The following SDK1 variants were observed in gnomAD, a reference collection of about 807,000 sequenced individuals.
The protein encoded by SDK1 is sidekick cell adhesion molecule 1.
A neutral mutation model predicts 245.5 loss-of-function variants in SDK1; 157 were observed. That is an observed-to-expected ratio of 0.64 (90% CI 0.56 to 0.73). SDK1 has a LOEUF of 0.73. SDK1 is among the 30% of genes least tolerant of loss of function. The pLI, the probability that SDK1 is intolerant of heterozygous loss-of-function variation, is 0.00. For synonymous variants in SDK1, 1,647 were observed against 1,278.5 expected (o/e 1.29, Z -6.15); for missense variants, 3,583 against 3,002.3 (o/e 1.19, Z -4.52).
chr7:4,249,729 G>T (rs1298045597), intron 44 of SDK1, among the ~76,000 whole-genome samples: 1 of 152,152 alleles, frequency 6.6e-6, no homozygotes, highest in Non-Finnish European at 1.5e-5. Context: ...TCCTGCTTTT[G>T]AAGCTTATGA....
chr7:3,410,856 G>C (rs1361143711), intron 1 of SDK1, among the ~76,000 whole-genome samples: 2 of 151,946 alleles, frequency 1.3e-5, no homozygotes, highest in East Asian at 3.9e-4. Context: ...CACGGTGCTG[G>C]GATTACATGT....
chr7:3,905,267 C>A (rs1778861083), intron 5 of SDK1, among the ~76,000 whole-genome samples: 1 of 151,986 alleles, frequency 6.6e-6, no homozygotes, highest in Non-Finnish European at 1.5e-5. Context: ...AAACGACTTT[C>A]ACTATTTTTC....
chr7:3,623,321 C>T (rs1289177305), intron 2 of SDK1, among the ~76,000 whole-genome samples: 1 of 147,274 alleles, frequency 6.8e-6, no homozygotes, highest in East Asian at 2.0e-4. Flanking sequence ...GATCTCGGCT[C>T]ACTGCAACCT....
chr7:3,780,026 C>A (rs1016129152), intron 4 of SDK1, among the ~76,000 whole-genome samples: 1 of 152,188 alleles, frequency 6.6e-6, no homozygotes, highest in Non-Finnish European at 1.5e-5. Context: ...CCCCTGACCC[C>A]CACACACCAA....
intron 5 of SDK1, among the ~76,000 whole-genome samples, chr7:3,848,457 G>A (rs1780335735): frequency 6.6e-6 from 1 of 152,198 alleles, no homozygotes; most frequent in Admixed American, 6.5e-5. Context: ...TGAAAGGGAA[G>A]TTGAGAGGGA....
chr7:3,431,540 A>G (rs898363404), intron 1 of SDK1, among the ~76,000 whole-genome samples: 2 of 152,150 alleles, frequency 1.3e-5, no homozygotes, highest in African/African-American at 4.8e-5. Flanking sequence ...ACCAAAGGTG[A>G]ATACCAAATC....
chr7:4,010,666 A>G (rs1471352495), intron 14 of SDK1, among the ~76,000 whole-genome samples: 1 of 152,232 alleles, frequency 6.6e-6, no homozygotes, highest in African/African-American at 2.4e-5. Context: ...CCCCTTACAT[A>G]CTGAACACAG....
intron 1 of SDK1, among the ~76,000 whole-genome samples, chr7:3,579,429 T>C (rs180926828): frequency 6.6e-6 from 1 of 152,328 alleles, no homozygotes; most frequent in East Asian, 1.9e-4. Flanking sequence ...AAAAATCACA[T>C]GATTATCTCA....
intron 1 of SDK1, among the ~76,000 whole-genome samples, chr7:3,449,264 G>A (rs533725627): frequency 5.9e-5 from 9 of 151,738 alleles, no homozygotes; most frequent in Non-Finnish European, 1.0e-4. Flanking sequence ...CTTTTATTTT[G>A]GGCTCATCCT....
At chr7:4,163,418 G>A (rs558189652) in intron 32 of SDK1, among the ~76,000 whole-genome samples, 5 of 152,296 alleles carry the variant, frequency 3.3e-5, no homozygotes, top group East Asian at 3.9e-4. Flanking sequence ...GGGATGTCCC[G>A]GCCACATGCC....
Position 3,537,016 on chromosome 7 carries a change from A to T in SDK1, c.299-82064A>T, listed in dbSNP as rs139999019. Among the ~76,000 whole-genome samples, 566 of 152,322 alleles carry T rather than the reference A, an allele frequency of 3.7e-3. 5 individuals carry two copies. The highest frequency in any genetic ancestry group is 0.013 in the African/African-American group (526 of 41,580). On this transcript the variant is annotated intron_variant, in intron 1 of 44. Transcript: ENST00000404826. The stretch of plus-strand genomic sequence containing the variant: ...AATTGAAGTATAATTTACACATATT[A>T]AAATGCACAGATTTTAACTATACCC...
chr7:4,107,610 G>C (rs926013118), intron 22 of SDK1, among the ~76,000 whole-genome samples: 1 of 151,968 alleles, frequency 6.6e-6, no homozygotes, highest in Non-Finnish European at 1.5e-5. Flanking sequence ...CTCTGAAACC[G>C]CTAAACCATG....
In SDK1 at chr7:3,841,294, C is replaced by T. The variant is rs561754645; in HGVS notation, c.847+19711C>T. 9.9e-5 allele frequency among the ~76,000 whole-genome samples: 15 copies of T among 152,258 alleles called. No individual in the cohort carries two copies. In the South Asian group the frequency reaches 2.1e-3, roughly 21 times the overall value. ...CCAAGGACAACTTCGCAGCTGTTTGCATTGTTTGATCCAGCAGAACGGATG... is the reference window on the plus strand; with the variant it reads ...CCAAGGACAACTTCGCAGCTGTTTGTATTGTTTGATCCAGCAGAACGGATG... On this transcript the variant is annotated intron_variant, in intron 5 of 44. Coordinates refer to ENST00000404826, the MANE Select transcript of SDK1 (RefSeq NM_152744.4).
At chr7:3,975,672 A>AC (rs1269983041) in intron 13 of SDK1, among the ~76,000 whole-genome samples, 2 of 152,252 alleles carry the variant, frequency 1.3e-5, no homozygotes, top group Admixed American at 6.5e-5. Flanking sequence ...TTGTGGATAT[A>AC]AAAGGTTCAC....
intron 1 of SDK1, among the ~76,000 whole-genome samples, chr7:3,348,879 G>C (rs1228937171): frequency 1.3e-5 from 2 of 152,128 alleles, no homozygotes; most frequent in Non-Finnish European, 2.9e-5. Context: ...TTTATCTATA[G>C]CAAGTTCCAG....
At chr7:3,616,025 C>T (rs919510504) in intron 1 of SDK1, among the ~76,000 whole-genome samples, 1 of 152,072 alleles carries the variant, frequency 6.6e-6, no homozygotes, top group African/African-American at 2.4e-5. Context: ...GCTGGGACTG[C>T]AGGTGTATAT....
At chr7:3,568,806 C>T (rs559065495) in intron 1 of SDK1, among the ~76,000 whole-genome samples, 1 of 152,252 alleles carries the variant, frequency 6.6e-6, no homozygotes, top group South Asian at 2.1e-4. Flanking sequence ...TCACCGGATC[C>T]CTTCAGGCAC....
chr7:3,687,042 T>A (rs907670626), intron 4 of SDK1, among the ~76,000 whole-genome samples: 1 of 115,446 alleles, frequency 8.7e-6, no homozygotes, highest in Non-Finnish European at 1.6e-5. Flanking sequence ...CAAACTGGGT[T>A]GGGATAGCAT....
intron 1 of SDK1, among the ~76,000 whole-genome samples, chr7:3,328,131 G>A (rs577093246): frequency 2.3e-4 from 35 of 152,236 alleles, no homozygotes; most frequent in Admixed American, 7.2e-4. Flanking sequence ...AGATAATTGG[G>A]AAGAATAATG....
Sources: allele counts gnomAD v4.1 joint callset (sites outside exome capture counted in the v4.1 genomes callset), GRCh38; gene constraint gnomAD v4.1.1; transcripts MANE v1.5; gene names NCBI Gene and HGNC (gene_info 2026-07-23, HGNC 2026-07-21).